Variants in PZP observed in about 807,000 individuals in gnomAD.
PZP encodes pregnancy zone protein.
A neutral mutation model predicts 179.8 loss-of-function variants in PZP; 150 were observed. The observed-to-expected ratio is 0.83, with a 90% CI of 0.73 to 0.96. PZP has a LOEUF of 0.96. Among genes scored for constraint, PZP ranks in the 40% least tolerant of loss-of-function variants. The pLI, the probability that PZP is intolerant of heterozygous loss-of-function variation, is 0.00. For missense variants in PZP, 1,689 were observed against 1,764.0 expected, an observed-to-expected ratio of 0.96 and a Z score of 0.76; for synonymous variants, 624 against 652.3, an observed-to-expected ratio of 0.96 and a Z score of 0.66.
chr12:9,176,145 A>G (rs1942349630), intron 15 of PZP, among the ~76,000 whole-genome samples: 1 of 152,240 alleles, frequency 6.6e-6, no homozygotes, highest in Admixed American at 6.5e-5. Context: ...GGATGAGTTC[A>G]TGTCCTTTGC....
Position 9,163,745 on chromosome 12 carries a change from C to T in PZP, c.2659G>A (p.Glu887Lys). 6.2e-7 allele frequency: 1 copy of T among 1,613,870 alleles called. No individual in the cohort carries two copies. Among genetic ancestry groups the T allele is most frequent in the Middle Eastern group, 1.6e-4 (1 of 6,062 alleles). ...SVSAEAMQSL[E>K]LCGNEVVEVP... is the part of the protein sequence containing the mutation. ...TCAACAACCTCATTTCCACAGAGTTCTAAGGACTGCATTGCCTCTGCACTC... is the reference window on the plus strand; with the variant it reads ...TCAACAACCTCATTTCCACAGAGTTTTAAGGACTGCATTGCCTCTGCACTC... The change falls in exon 21 of 36, where the codon GAA becomes AAA. Residue 887 changes from glutamate to lysine, a missense_variant. Physicochemically the swap from Glu to Lys is moderately conservative, Grantham distance 56. Coordinates refer to ENST00000261336, the MANE Select transcript of PZP (RefSeq NM_002864.3).
intron 13 of PZP, among the ~76,000 whole-genome samples, chr12:9,191,483 G>GA (rs1943453077): frequency 1.3e-5 from 2 of 151,624 alleles, no homozygotes; most frequent in South Asian, 4.2e-4. Flanking sequence ...TTTCAAAACT[G>GA]AAAAATAAAA....
At chr12:9,204,250 A>C (rs909391592) in intron 1 of PZP, among the ~76,000 whole-genome samples, 1 of 152,132 alleles carries the variant, frequency 6.6e-6, no homozygotes, top group South Asian at 2.1e-4. Context: ...TTAAACTTTA[A>C]CTTTGACCTT....
intron 15 of PZP, among the ~76,000 whole-genome samples, chr12:9,174,397 C>T (rs973534533): frequency 5.1e-4 from 77 of 152,254 alleles, no homozygotes; most frequent in African/African-American, 1.8e-3. Flanking sequence ...GAGCATTCCC[C>T]TTGAAAACTG....
chr12:9,136,807 G>A, the PZP span, among the ~76,000 whole-genome samples: 1 of 152,070 alleles, frequency 6.6e-6, no homozygotes, highest in African/African-American at 2.4e-5. Context: ...ATACCTATTG[G>A]CCATTTGTAT....
intron 13 of PZP, among the ~76,000 whole-genome samples, chr12:9,187,120 G>A (rs1943179206): frequency 1.4e-5 from 2 of 147,652 alleles, no homozygotes; most frequent in African/African-American, 5.0e-5. Flanking sequence ...AATGGTAAAG[G>A]GTTTAATTCA....
the PZP span, among the ~76,000 whole-genome samples, chr12:9,143,371 G>A: frequency 1.1e-4 from 17 of 152,148 alleles, no homozygotes; most frequent in African/African-American, 4.1e-4. Context: ...TGGAGAAGGA[G>A]GAAGAGTGGA....
rs755591776 is a variant in PZP, at chr12:9,200,411, C to A, written c.708G>T (p.Lys236Asn). Reference sequence around the variant, plus strand: ...CTTTTTCATCCATGATACTGATTATCTTTGGCACCTGAACTTTGACCTCAA... The same window carrying A: ...CTTTTTCATCCATGATACTGATTATATTTGGCACCTGAACTTTGACCTCAA... Reference protein sequence around the residue: ...PKFEVKVQVPKIISIMDEKVN... With the variant: ...PKFEVKVQVPNIISIMDEKVN... Residue 236 changes from lysine to asparagine, a missense_variant, in exon 7 of 36, where the codon AAG becomes AAT. Around this residue, in one of 3 missense-constraint regions of PZP, gnomAD observed 742 missense variants for 730.5 expected, o/e 1.02. Coordinates refer to ENST00000261336, the MANE Select transcript of PZP (RefSeq NM_002864.3). 2.5e-6 allele frequency: 4 copies of A among 1,611,416 alleles called. No individual in the cohort carries two copies. Among genetic ancestry groups the A allele is most frequent in the Non-Finnish European group, 3.4e-6 (4 of 1,177,854 alleles).
At chr12:9,165,392 C>T in intron 18 of PZP, 25 bp from the exon 19 acceptor site, 2 of 1,612,756 alleles carry the variant, frequency 1.2e-6, no homozygotes, top group Non-Finnish European at 1.7e-6. Flanking sequence ...AAGTGAAGAA[C>T]AGAAATAATG....
intron 1 of PZP, 26 bp from the exon 2 acceptor site, chr12:9,203,977 G>C (rs1944321625): frequency 6.4e-7 from 1 of 1,566,298 alleles, no homozygotes; most frequent in Non-Finnish European, 8.7e-7. Flanking sequence ...GTCTAAATTA[G>C]AGAAAAACTG....
chr12:9,196,535 A>C, intron 9 of PZP, 36 bp downstream of exon 9: 1 of 1,576,078 alleles, frequency 6.3e-7, no homozygotes. Context: ...AAAGTAAACT[A>C]TTGTTTTATT....
Position 9,208,241 on chromosome 12 carries a change from G to T in PZP, c.83+18C>A. 1.9e-6 allele frequency: 3 copies of T among 1,600,140 alleles called. No homozygotes were observed. Among genetic ancestry groups the T allele is most frequent in the Non-Finnish European group, 2.6e-6 (3 of 1,167,294 alleles). On this transcript the variant is annotated intron_variant, in intron 1 of 35. Transcript: ENST00000261336. ...ACTGAAACGCACTCTGGAGGAAGGGGTCTTGAGTGAGACTTACGGTTCTGT... is the reference window on the plus strand; with the variant it reads ...ACTGAAACGCACTCTGGAGGAAGGGTTCTTGAGTGAGACTTACGGTTCTGT...
At chr12:9,152,065 C>T (rs1030409704) in intron 32 of PZP, among the ~76,000 whole-genome samples, 155 bp downstream of exon 32, 6 of 152,108 alleles carry the variant, frequency 3.9e-5, no homozygotes, top group Non-Finnish European at 7.3e-5. Flanking sequence ...CCTTAGCTTA[C>T]GGCCAACTAA....
rs764076809 is a variant in PZP at position 9,152,340 on chromosome 12, G to A, written c.4122-30C>T. The A allele has an allele frequency of 3.8e-6, 6 of 1,559,758 alleles. No homozygotes were observed. In the African/African-American group the frequency reaches 8.1e-5, roughly 21 times the overall value. ...AGTGTCAAAGGAAAAAGAATTTAGG[G>A]TTTTATACGTGAAAGAAAGCCAAAT... On this transcript the variant is annotated intron_variant, in intron 31 of 35. Transcript: ENST00000261336.
In PZP at chr12:9,192,228, G is replaced by C. The variant is rs138008046; in HGVS notation, c.1511C>G (p.Ser504Cys). ...LIMAKGVIVR[S>C]GTHTLPVESG... ...CTCCACAGGCAGAGTGTGGGTTCCA[G>C]ATCTGACGATGACTCCCTTAGCCAT... Residue 504 changes from serine to cysteine, a missense_variant, in exon 13 of 36, where the codon TCT becomes TGT. Around this residue, in one of 3 missense-constraint regions of PZP, gnomAD observed 742 missense variants for 730.5 expected, o/e 1.02. Coordinates refer to ENST00000261336, the MANE Select transcript of PZP (RefSeq NM_002864.3). 351 of 1,614,050 alleles carry C rather than the reference G, an allele frequency of 2.2e-4. No homozygotes were observed. The African/African-American group carries it at 3.9e-3, about 18-fold the overall frequency.
chr12:9,164,048 A>G, intron 20 of PZP, 85 bp downstream of exon 20: 1 of 1,469,572 alleles, frequency 6.8e-7, no homozygotes, highest in Non-Finnish European at 9.3e-7. Flanking sequence ...TCTATGGCAA[A>G]TAAAAGAGAG....
At chr12:9,144,165 A>G (rs113355203), downstream of PZP, among the ~76,000 whole-genome samples, 1 of 149,488 alleles carries the variant, frequency 6.7e-6, no homozygotes, top group Non-Finnish European at 1.5e-5. Context: ...CCACATGAGG[A>G]AGAGAGAGAG....
chr12:9,136,619 C>A, the PZP span, among the ~76,000 whole-genome samples: 2 of 152,222 alleles, frequency 1.3e-5, no homozygotes, highest in East Asian at 1.9e-4. Context: ...GTTTCCATAG[C>A]AGTTGCACCA....
At chr12:9,181,158 C>A in intron 14 of PZP, 26 bp from the exon 15 acceptor site, 1 of 1,613,744 alleles carries the variant, frequency 6.2e-7, no homozygotes, top group Non-Finnish European at 8.5e-7. Context: ...GAAACGTCAA[C>A]CAGTGTTTTC....
Sources: gnomAD v4.1 joint callset for allele counts (sites outside exome capture counted in the v4.1 genomes callset) on GRCh38, gnomAD v4.1.1 for gene constraint, gnomAD v4.1.1 regional missense constraint, MANE v1.5 for transcripts, NCBI Gene and HGNC (gene_info 2026-07-23, HGNC 2026-07-21) for gene names.